Variants in UST observed in about 807,000 individuals in gnomAD.
UST encodes chondroitin sulfate 2-O-sulfotransferase.
A neutral mutation model predicts 45.6 loss-of-function variants in UST; 21 were observed. That is an observed-to-expected ratio of 0.46 (90% CI 0.33 to 0.66). The LOEUF is 0.66. Ranked by LOEUF, UST falls within the 30% of genes least tolerant of loss-of-function variation. UST has a pLI of 0.02. For synonymous variants in UST, 215 were observed against 200.6 expected (o/e 1.07, Z -0.61); for missense variants, 463 against 512.4 (o/e 0.90, Z 0.93).
intron 1 of UST, among the ~76,000 whole-genome samples, chr6:148,821,808 C>T (rs1343906178): frequency 1.3e-5 from 2 of 152,116 alleles, no homozygotes; most frequent in African/African-American, 4.8e-5. Flanking sequence ...ACTTATTATT[C>T]ATTCATTTAT....
intron 1 of UST, among the ~76,000 whole-genome samples, chr6:148,796,513 A>G (rs932906894): frequency 6.6e-6 from 1 of 151,088 alleles, no homozygotes; most frequent in Non-Finnish European, 1.5e-5. Flanking sequence ...AATCCCAGCT[A>G]CTCAGGAAGC....
chr6:148,809,055 T>C (rs1777203379), intron 1 of UST, among the ~76,000 whole-genome samples: 1 of 152,250 alleles, frequency 6.6e-6, no homozygotes, highest in African/African-American at 2.4e-5. Context: ...CACTGGCAAC[T>C]AATCATCACC....
At chr6:148,829,679 G>A (rs1057319628) in intron 1 of UST, among the ~76,000 whole-genome samples, 1 of 151,872 alleles carries the variant, frequency 6.6e-6, no homozygotes, top group African/African-American at 2.4e-5. Flanking sequence ...TTTTACCCTC[G>A]GTTTGTTTGG....
At chr6:148,847,669 A>G (rs753790163) in intron 1 of UST, among the ~76,000 whole-genome samples, 15 of 152,204 alleles carry the variant, frequency 9.9e-5, no homozygotes, top group Admixed American at 2.0e-4. Flanking sequence ...TTCTTTTTAA[A>G]AAGTGGAAGT....
chr6:149,030,825 T>C (rs951944152), intron 7 of UST, among the ~76,000 whole-genome samples: 1 of 152,126 alleles, frequency 6.6e-6, no homozygotes, highest in African/African-American at 2.4e-5. Flanking sequence ...ATTTTGAGAA[T>C]AGATCTGTTT....
chr6:148,903,592 G>A (rs998438590), intron 2 of UST, among the ~76,000 whole-genome samples: 3 of 152,194 alleles, frequency 2.0e-5, no homozygotes, highest in African/African-American at 7.2e-5. Context: ...ACTAATAGGG[G>A]TAAAAACTAA....
chr6:149,018,285 T>TA (rs11408669), intron 5 of UST, among the ~76,000 whole-genome samples: 140,165 of 152,238 alleles, frequency 0.92, 64,916 homozygotes, highest in African/African-American at 0.98. Context: ...TACCGACTCA[T>TA]AATTTCATCA....
intron 1 of UST, among the ~76,000 whole-genome samples, chr6:148,766,842 C>G (rs1345938314): frequency 6.6e-6 from 1 of 152,218 alleles, no homozygotes; most frequent in Non-Finnish European, 1.5e-5. Context: ...GTAGCAGATA[C>G]AGGGTCGGAG....
intron 2 of UST, among the ~76,000 whole-genome samples, chr6:148,900,082 G>T (rs1365353044): frequency 2.0e-5 from 3 of 151,820 alleles, no homozygotes; most frequent in Non-Finnish European, 4.4e-5. Context: ...CTCTTGTTTT[G>T]TAAATTTATT....
intron 1 of UST, among the ~76,000 whole-genome samples, chr6:148,806,168 G>A (rs1204686914): frequency 6.6e-6 from 1 of 151,768 alleles, no homozygotes; most frequent in African/African-American, 2.4e-5. Flanking sequence ...CCTGAACCAT[G>A]TCTATTCAAA....
At chr6:148,803,402 C>A (rs1019844598) in intron 1 of UST, among the ~76,000 whole-genome samples, 1 of 152,172 alleles carries the variant, frequency 6.6e-6, no homozygotes, top group African/African-American at 2.4e-5. Flanking sequence ...TGGGCATCAA[C>A]CCTAACAGAA....
At chr6:148,977,729 A>G (rs2449386) in intron 5 of UST, among the ~76,000 whole-genome samples, 104,394 of 143,672 alleles carry the variant, frequency 0.73, 38,080 homozygotes, top group East Asian at 0.82. Context: ...TCCAGCCTGG[A>G]TGACAGAGTG....
intron 1 of UST, among the ~76,000 whole-genome samples, chr6:148,831,813 A>G (rs1239874595): frequency 6.6e-6 from 1 of 152,052 alleles, no homozygotes; most frequent in Non-Finnish European, 1.5e-5. Context: ...AAAAAAAAGA[A>G]AGTAGGTGGG....
intron 2 of UST, among the ~76,000 whole-genome samples, chr6:148,921,972 G>A (rs548273704): frequency 6.6e-6 from 1 of 152,294 alleles, no homozygotes; most frequent in Admixed American, 6.5e-5. Context: ...TTAGTAAGGA[G>A]GACATCGGCC....
At position 149,002,806 on chromosome 6, in the gene UST, C is replaced by T. The variant is rs116232876; in HGVS notation, c.682-16333C>T. Among the ~76,000 whole-genome samples, 1,114 of 151,986 alleles carry T rather than the reference C, an allele frequency of 7.3e-3. 13 individuals are homozygous for T. Among genetic ancestry groups the T allele is most frequent in the African/African-American group, 0.025 (1,034 of 41,430 alleles). On this transcript the variant is annotated intron_variant, in intron 5 of 7. Transcript: ENST00000367463. ...ACAGGCGTGAGCCACTGCGCCTGGC[C>T]GTATGACACATTTTAATATAAGGCA...
intron 7 of UST, chr6:149,066,294 A>G (rs1158435195): frequency 6.6e-6 from 1 of 152,206 alleles, no homozygotes; most frequent in Admixed American, 6.5e-5. Context: ...ATGTTACAAC[A>G]AATGTAGACA....
At chr6:148,808,849 C>G (rs947682498) in intron 1 of UST, among the ~76,000 whole-genome samples, 5 of 152,188 alleles carry the variant, frequency 3.3e-5, no homozygotes, top group African/African-American at 1.2e-4. Flanking sequence ...TCCCTCTCTT[C>G]AGCATGTGAG....
At chr6:148,855,616 G>A (rs1426440211) in intron 1 of UST, among the ~76,000 whole-genome samples, 1 of 152,210 alleles carries the variant, frequency 6.6e-6, no homozygotes, top group Non-Finnish European at 1.5e-5. Context: ...AGGAAGGTGG[G>A]GATGAGTTTC....
intron 1 of UST, among the ~76,000 whole-genome samples, chr6:148,868,663 T>C (rs1778492222): frequency 6.6e-6 from 1 of 152,138 alleles, no homozygotes; most frequent in African/African-American, 2.4e-5. Flanking sequence ...ATACTACAAG[T>C]GTAGGAATAC....
Sources: allele counts gnomAD v4.1 joint callset (sites outside exome capture counted in the v4.1 genomes callset), GRCh38; gene constraint gnomAD v4.1.1; transcripts MANE v1.5; gene names NCBI Gene and HGNC (gene_info 2026-07-23, HGNC 2026-07-21).